ZMYM2: variants seen among roughly 807,000 people sequenced by gnomAD.
ZMYM2 encodes zinc finger MYM-type containing 2.
ZMYM2 carries 56 observed loss-of-function variants against 162.8 expected under a neutral mutation model. The ratio of observed to expected loss-of-function variants is 0.34; its 90% confidence interval spans 0.28 to 0.43. ZMYM2 has a LOEUF of 0.43. Ranked by LOEUF, ZMYM2 falls within the 20% of genes least tolerant of loss-of-function variation. ZMYM2 has a pLI of 1.00. For synonymous variants in ZMYM2, 510 were observed against 541.6 expected, an observed-to-expected ratio of 0.94 and a Z score of 0.81; for missense variants, 1,275 against 1,621.8, an observed-to-expected ratio of 0.79 and a Z score of 3.67.
intron 21 of ZMYM2, among the ~76,000 whole-genome samples, chr13:20,075,530 T>C (rs1300316511): frequency 6.6e-6 from 1 of 152,154 alleles, no homozygotes; most frequent in Non-Finnish European, 1.5e-5. Context: ...AATATGAAAA[T>C]GTTTGAGGAA....
At chr13:20,021,628 T>G (rs1459582843) in intron 7 of ZMYM2, among the ~76,000 whole-genome samples, 1 of 152,162 alleles carries the variant, frequency 6.6e-6, no homozygotes, top group Non-Finnish European at 1.5e-5. Context: ...TGGAGAGATC[T>G]GAATCATCCC....
the ZMYM2 span, among the ~76,000 whole-genome samples, chr13:19,938,169 T>C: frequency 1.3e-5 from 2 of 152,204 alleles, no homozygotes; most frequent in East Asian, 3.9e-4. Context: ...ATATACCCAG[T>C]AATGGGATGG....
rs200140595 is a variant in ZMYM2, at chr13:20,062,864, A to C, written c.2930A>C (p.Asp977Ala). ...ATTTCAGGTGTAATTATTGAAACAG[A>C]TATAATTGGTTCAGACCTTTTGAAG... ...TNINSVIIETDIIGSDLLKNS... is the reference protein window; with the variant it reads ...TNINSVIIETAIIGSDLLKNS... The change falls in exon 18 of 25, where the codon GAT (aspartate) becomes GCT (alanine). Residue 977 changes from aspartate to alanine, a missense_variant. Asp to Ala is a moderately radical substitution (Grantham distance 126). Around this residue, in one of 10 missense-constraint regions of ZMYM2, gnomAD observed 229 missense variants for 283.8 expected, o/e 0.81. Coordinates refer to ENST00000610343, the MANE Select transcript of ZMYM2 (RefSeq NM_197968.4). 424 of 1,580,390 alleles carry C rather than the reference A, an allele frequency of 2.7e-4. No homozygotes were observed. Among genetic ancestry groups the C allele is most frequent in the Middle Eastern group, 1.8e-3 (11 of 6,014 alleles).
intron 2 of ZMYM2, among the ~76,000 whole-genome samples, chr13:19,984,882 A>G (rs1233171823): frequency 1.3e-5 from 2 of 152,238 alleles, no homozygotes; most frequent in African/African-American, 4.8e-5. Flanking sequence ...TCGAATTGAC[A>G]CATAGCAGCC....
chr13:19,868,400 C>A, the ZMYM2 span, among the ~76,000 whole-genome samples: 5 of 152,176 alleles, frequency 3.3e-5, no homozygotes. Context: ...TTGATATGAT[C>A]TGAGTCATCT....
At chr13:19,934,350 G>A in the ZMYM2 span, among the ~76,000 whole-genome samples, 6 of 152,148 alleles carry the variant, frequency 3.9e-5, no homozygotes, top group Non-Finnish European at 7.4e-5. Context: ...TAGTAGAGAC[G>A]GGGTTACCCA....
At chr13:19,933,934 C>A in the ZMYM2 span, among the ~76,000 whole-genome samples, 1 of 152,200 alleles carries the variant, frequency 6.6e-6, no homozygotes, top group Admixed American at 6.5e-5. Flanking sequence ...ATCCACTATA[C>A]TGAAAATCTT....
intron 9 of ZMYM2, among the ~76,000 whole-genome samples, chr13:20,029,348 A>G (rs977860828): frequency 1.3e-5 from 2 of 152,026 alleles, no homozygotes; most frequent in Admixed American, 6.6e-5. Flanking sequence ...CAAAGCCCCT[A>G]CCTCTTCTAA....
the ZMYM2 span, among the ~76,000 whole-genome samples, chr13:19,915,415 T>TTTTCTTTCTTTC: frequency 7.5e-4 from 112 of 148,392 alleles, no homozygotes; most frequent in African/African-American, 2.8e-3. Context: ...CTTGCTTGCT[T>TTTTCTTTCTTTC]TTTCTTTCTT....
chr13:20,058,514 C>A, intron 14 of ZMYM2, 61 bp from the exon 15 acceptor site: 1 of 1,557,394 alleles, frequency 6.4e-7, no homozygotes, highest in Non-Finnish European at 8.7e-7. Context: ...CCTTCATTGA[C>A]ACTAGGAAGT....
chr13:19,909,628 T>A, the ZMYM2 span, among the ~76,000 whole-genome samples: 1 of 151,912 alleles, frequency 6.6e-6, no homozygotes, highest in African/African-American at 2.4e-5. Flanking sequence ...AGACAAGGTT[T>A]CACCACTTTT....
chr13:19,880,287 T>A, the ZMYM2 span, among the ~76,000 whole-genome samples: 1 of 152,222 alleles, frequency 6.6e-6, no homozygotes, highest in Non-Finnish European at 1.5e-5. Context: ...ATTAAGTCTT[T>A]CAGTTCATGA....
At chr13:20,004,393 C>T (rs771949341) in intron 4 of ZMYM2, among the ~76,000 whole-genome samples, 6 of 152,002 alleles carry the variant, frequency 3.9e-5, no homozygotes, top group Non-Finnish European at 7.4e-5. Context: ...GTAGCTGGGA[C>T]TACAGGTGCC....
At chr13:20,047,275 AC>A (rs200299835) in intron 12 of ZMYM2, among the ~76,000 whole-genome samples, 15 of 151,820 alleles carry the variant, frequency 9.9e-5, no homozygotes, top group Admixed American at 9.8e-4. Flanking sequence ...ATTTTCTTAT[AC>A]CCCCCCATGC....
At position 19,987,620 on chromosome 13, in the gene ZMYM2, CGTGTGTGTGT is replaced by C. The variant is rs756005409; in HGVS notation, c.-10-5414_-10-5405del. 3.0e-4 allele frequency among the ~76,000 whole-genome samples: 36 copies of C among 121,360 alleles called. 1 individual carries two copies. The highest frequency in any genetic ancestry group is 4.8e-3 in the Middle Eastern group (1 of 210). The allele number at this position is 121,360 out of a possible 152,430, so 79.6% of individuals were successfully genotyped here. ...GTGTATAGGAAAGATGGGGTTTTGTCGTGTGTGTGTGTGTGTGTGTGTGTGTGTGTGTGTG... is the reference window on the plus strand; with the variant it reads ...GTGTATAGGAAAGATGGGGTTTTGTCGTGTGTGTGTGTGTGTGTGTGTGTG... On this transcript the variant is annotated intron_variant, in intron 2 of 24. Coordinates refer to ENST00000610343, the MANE Select transcript of ZMYM2 (RefSeq NM_197968.4).
intron 6 of ZMYM2, among the ~76,000 whole-genome samples, chr13:20,018,793 A>C (rs938618797): frequency 1.1e-4 from 17 of 152,148 alleles, no homozygotes; most frequent in Non-Finnish European, 1.5e-5. Context: ...AGAATTTCTC[A>C]AACATGCCAG....
the ZMYM2 span, among the ~76,000 whole-genome samples, chr13:19,870,484 C>T: frequency 3.3e-5 from 5 of 151,010 alleles, no homozygotes; most frequent in Non-Finnish European, 5.9e-5. Context: ...CTTCCTTCCC[C>T]TCCTTTCCCT....
the ZMYM2 span, among the ~76,000 whole-genome samples, chr13:19,944,974 A>G: frequency 6.6e-6 from 1 of 152,006 alleles, no homozygotes; most frequent in Non-Finnish European, 1.5e-5. Context: ...CCCGGCCCCT[A>G]TTTTTTATTT....
chr13:19,993,105 G>C lies in ZMYM2; in HGVS notation c.33G>C (p.Leu11Phe). The C allele has an allele frequency of 6.2e-7, 1 of 1,612,598 alleles. No individual in the cohort carries two copies. The highest frequency in any genetic ancestry group is 1.1e-5 in the South Asian group (1 of 90,754). Reference sequence around the variant, plus strand: ...CAAGTTCAGTGGGAGGATTAGAATTGACTGATCAGACTCCTGTTTTATTAG... The same window carrying C: ...CAAGTTCAGTGGGAGGATTAGAATTCACTGATCAGACTCCTGTTTTATTAG... Reference protein sequence around the residue: MDTSSVGGLELTDQTPVLLGS... With the variant: MDTSSVGGLEFTDQTPVLLGS... The change falls in exon 3 of 25, where the codon TTG becomes TTC. Residue 11 changes from leucine to phenylalanine, a missense_variant. By Grantham distance (22) the Leu-to-Phe change is conservative. Transcript: ENST00000610343.
Sources: gnomAD v4.1 joint callset for allele counts (sites outside exome capture counted in the v4.1 genomes callset) on GRCh38, gnomAD v4.1.1 for gene constraint, gnomAD v4.1.1 regional missense constraint, MANE v1.5 for transcripts, NCBI Gene and HGNC (gene_info 2026-07-23, HGNC 2026-07-21) for gene names.